BRI3BP: variants seen among roughly 807,000 people sequenced by gnomAD.
BRI3BP encodes the protein BRI3 binding protein.
In BRI3BP, 7 loss-of-function variants were observed where a neutral mutation model predicts 15.8. The observed-to-expected ratio is 0.44, with a 90% confidence interval of 0.25 to 0.83. BRI3BP has a LOEUF of 0.83. BRI3BP is among the 40% of genes least tolerant of loss of function. BRI3BP has a pLI of 0.20. For synonymous variants in BRI3BP, 192 were observed against 163.5 expected, an observed-to-expected ratio of 1.17 and a Z score of -1.33; for missense variants, 320 against 339.3, an observed-to-expected ratio of 0.94 and a Z score of 0.45.
rs1955342799 is a variant in BRI3BP, at chr12:125,025,311, A to C, written c.637A>C (p.Ser213Arg). 2 of 1,611,954 alleles carry C rather than the reference A, an allele frequency of 1.2e-6. No homozygotes were observed. Among genetic ancestry groups the C allele is most frequent in the African/African-American group, 1.3e-5 (1 of 74,164 alleles). Residue 213 changes from serine (S) to arginine (R), a missense_variant, in exon 3 of 3, where the codon AGC (serine) becomes CGC (arginine). By Grantham distance (110) the Ser-to-Arg change is moderately radical. Transcript: ENST00000341446. ...FYWRSSPSGPSNPSNPSVEEK... is the reference protein window; with the variant it reads ...FYWRSSPSGPRNPSNPSVEEK... ...CTGGCGAAGCAGTCCCAGCGGCCCCAGCAACCCCAGCAACCCCAGCGTGGA... is the reference window on the plus strand; with the variant it reads ...CTGGCGAAGCAGTCCCAGCGGCCCCCGCAACCCCAGCAACCCCAGCGTGGA...
the BRI3BP span, among the ~76,000 whole-genome samples, chr12:125,044,403 C>T: frequency 5.5e-3 from 836 of 151,558 alleles, 4 homozygotes; most frequent in African/African-American, 0.02. Flanking sequence ...CCTGCCTCAG[C>T]CTCCCAAAGT....
intron 1 of BRI3BP, among the ~76,000 whole-genome samples, chr12:125,000,338 G>C (rs1173657369): frequency 7.1e-6 from 1 of 140,712 alleles, no homozygotes; most frequent in Non-Finnish European, 1.5e-5. Flanking sequence ...TTTTGAGAGG[G>C]AGTCTCGCTC....
chr12:125,020,879 CAAATAAAT>C (rs139903644), intron 2 of BRI3BP, among the ~76,000 whole-genome samples: 89 of 151,248 alleles, frequency 5.9e-4, no homozygotes, highest in African/African-American at 2.1e-3. Flanking sequence ...GACTCTGTCT[CAAATAAAT>C]AAATAAATAA....
intron 1 of BRI3BP, among the ~76,000 whole-genome samples, chr12:125,011,779 G>C (rs2135993426): frequency 6.6e-6 from 1 of 152,248 alleles, no homozygotes; most frequent in East Asian, 1.9e-4. Flanking sequence ...CTTTAGCCCT[G>C]TGTCACCTGG....
intron 1 of BRI3BP, among the ~76,000 whole-genome samples, chr12:124,994,560 A>G (rs554112507): frequency 1.3e-5 from 2 of 152,176 alleles, no homozygotes; most frequent in Admixed American, 1.3e-4. Flanking sequence ...CCGAGCACCT[A>G]CTGTGTGCGG....
intron 1 of BRI3BP, among the ~76,000 whole-genome samples, chr12:124,994,675 A>G (rs1338155951): frequency 6.6e-6 from 1 of 152,204 alleles, no homozygotes; most frequent in Non-Finnish European, 1.5e-5. Context: ...GTTTTCCCCA[A>G]TTCCTGCTCT....
rs908858868 is a variant in BRI3BP at position 125,028,880 on chromosome 12, C to T, written c.*3450C>T. 1 of 151,966 alleles carries T rather than the reference C, an allele frequency of 6.6e-6. No individual in the cohort carries two copies. Among genetic ancestry groups the T allele is most frequent in the African/African-American group, 2.4e-5 (1 of 41,352 alleles). 9.4% of individuals were successfully genotyped at this position (151,966 alleles called of 1,614,324 possible). The stretch of plus-strand genomic sequence containing the variant: ...TATGTGGAAAAATGTATTTTTGTAC[C>T]ATATCTCATACCTGGAGAGAAACCT... On this transcript the variant is annotated 3_prime_UTR_variant, in exon 3 of 3. Coordinates refer to ENST00000341446, the MANE Select transcript of BRI3BP (RefSeq NM_080626.6).
chr12:125,033,698 C>T (rs777756034), downstream of BRI3BP, among the ~76,000 whole-genome samples: 4 of 151,912 alleles, frequency 2.6e-5, no homozygotes, highest in African/African-American at 4.8e-5. Context: ...GTTTACACTC[C>T]TATTTCTAAC....
At chr12:125,038,389 A>G in the BRI3BP span, among the ~76,000 whole-genome samples, 2 of 152,366 alleles carry the variant, frequency 1.3e-5, no homozygotes, top group East Asian at 3.9e-4. Context: ...GTTTGACACT[A>G]TATTAAACCT....
At chr12:125,047,747 G>A in the BRI3BP span, among the ~76,000 whole-genome samples, 2 of 151,346 alleles carry the variant, frequency 1.3e-5, no homozygotes, top group African/African-American at 2.4e-5. Flanking sequence ...CCCAGGCTGC[G>A]GTGCAGTGGC....
In BRI3BP at chr12:125,003,552, T is replaced by C. The variant is rs1955114875; in HGVS notation, c.214-8982T>C. Among the ~76,000 whole-genome samples, 2 of 152,176 alleles carry C rather than the reference T, an allele frequency of 1.3e-5. 1 individual carries two copies. The highest frequency in any genetic ancestry group is 1.3e-4 in the Admixed American group (2 of 15,264). On this transcript the variant is annotated intron_variant, in intron 1 of 2. Transcript: ENST00000341446. ...CTGGTTACTTCTTTCCTTCCTAAAT[T>C]TTTTTGAGGGTGCCTGGAATAATAT...
Position 124,993,919 on chromosome 12 carries a change from G to C in BRI3BP, c.129G>C (p.Lys43Asn). 7.5e-7 allele frequency: 1 copy of C among 1,327,590 alleles called. No homozygotes were observed. Among genetic ancestry groups the C allele is most frequent in the Non-Finnish European group, 9.7e-7 (1 of 1,028,748 alleles). The allele number at this position is 1,327,590 out of a possible 1,614,324, so 82.2% of individuals were successfully genotyped here. A position where few individuals can be genotyped will look rare whatever the true frequency, so the allele number is the denominator to read the frequency against. ...QGARGRGGAE[K>N]NSYRRTVNTF... ...CGCGGGGCCGCGGCGGCGCGGAGAA[G>C]AACAGCTACCGCCGCACGGTCAACA... The change falls in exon 1 of 3, where the codon AAG becomes AAC. Residue 43 changes from lysine to asparagine, a missense_variant. Coordinates refer to ENST00000341446, the MANE Select transcript of BRI3BP (RefSeq NM_080626.6).
chr12:125,016,825 C>CTTTTTTTTT lies in BRI3BP; in HGVS notation c.316+4208_316+4216dup, dbSNP rs58016016. On this transcript the variant is annotated intron_variant, in intron 2 of 2. Coordinates refer to ENST00000341446, the MANE Select transcript of BRI3BP (RefSeq NM_080626.6). ...ACGGGCATGAGCCACTGCGCCCAGC[C>CTTTTTTTTT]TTTTTTTTTTTTTTTTTTTTTTTTT... 2.3e-3 allele frequency among the ~76,000 whole-genome samples: 90 copies of CTTTTTTTTT among 39,806 alleles called. 9 individuals are homozygous for CTTTTTTTTT. Among genetic ancestry groups the CTTTTTTTTT allele is most frequent in the Non-Finnish European group, 3.1e-3 (68 of 22,192 alleles). The allele number at this position is 39,806 out of a possible 152,430, so 26.1% of individuals were successfully genotyped here. A position where few individuals can be genotyped will look rare whatever the true frequency, so the allele number is the denominator to read the frequency against.
At chr12:124,999,747 G>A (rs12820278) in intron 1 of BRI3BP, among the ~76,000 whole-genome samples, 9,116 of 148,314 alleles carry the variant, frequency 0.061, 420 homozygotes, top group Admixed American at 0.14. Context: ...CCTCCCAAGT[G>A]GCTGGGACTA....
At chr12:125,012,259 C>T (rs937538175) in intron 1 of BRI3BP, among the ~76,000 whole-genome samples, 2 of 152,146 alleles carry the variant, frequency 1.3e-5, no homozygotes, top group Non-Finnish European at 2.9e-5. Flanking sequence ...CAATGGCAAG[C>T]GGCGTAACGC....
downstream of BRI3BP, among the ~76,000 whole-genome samples, chr12:125,031,574 A>ATGTTTTTT (rs1955406087): frequency 1.2e-5 from 1 of 84,244 alleles, no homozygotes; most frequent in African/African-American, 5.2e-5. Flanking sequence ...TTTTCTTTCT[A>ATGTTTTTT]TTTTTTTTTT....
chr12:125,008,625 T>C (rs1157093908), intron 1 of BRI3BP, among the ~76,000 whole-genome samples: 1 of 152,146 alleles, frequency 6.6e-6, no homozygotes, highest in Non-Finnish European at 1.5e-5. Context: ...TCCTCTTCTT[T>C]CTAATGCAGC....
At position 125,025,194 on chromosome 12, in the gene BRI3BP, C is replaced by A. The variant is rs1455213636; in HGVS notation, c.520C>A (p.Leu174Met). ...VLFSMSCVYI[L>M]HKYEGEPENA... ...GTTTTCCATGTCCTGCGTGTACATC[C>A]TGCACAAGTACGAGGGCGAGCCGGA... The change falls in exon 3 of 3, where the codon CTG (leucine) becomes ATG (methionine). Residue 174 changes from leucine (L) to methionine (M), a missense_variant. Coordinates refer to ENST00000341446, the MANE Select transcript of BRI3BP (RefSeq NM_080626.6). 1 of 1,614,146 alleles carries A rather than the reference C, an allele frequency of 6.2e-7. No individual in the cohort carries two copies. Among genetic ancestry groups the A allele is most frequent in the Non-Finnish European group, 8.5e-7 (1 of 1,180,028 alleles).
In BRI3BP at chr12:125,026,661, A is replaced by G. The variant is rs7304738; in HGVS notation, c.*1231A>G. On this transcript the variant is annotated 3_prime_UTR_variant, in exon 3 of 3. Transcript: ENST00000341446. ...TGTTAGGACTTGTTTTTTAAAAAAGAAAGCCCTAGGCCAGGCGCAGTGGCT... is the reference window on the plus strand; with the variant it reads ...TGTTAGGACTTGTTTTTTAAAAAAGGAAGCCCTAGGCCAGGCGCAGTGGCT... 15,927 of 151,584 alleles carry G rather than the reference A, an allele frequency of 0.11. 1,705 individuals carry two copies. Among genetic ancestry groups the G allele is most frequent in the African/African-American group, 0.27 (11,242 of 41,390 alleles). 9.4% of individuals were successfully genotyped at this position (151,584 alleles called of 1,614,324 possible).
Sources: gnomAD v4.1 joint callset for allele counts (sites outside exome capture counted in the v4.1 genomes callset) on GRCh38, gnomAD v4.1.1 for gene constraint, MANE v1.5 for transcripts, NCBI Gene and HGNC (gene_info 2026-07-23, HGNC 2026-07-21) for gene names.